The following MGLL variants were observed in gnomAD, a reference collection of about 807,000 sequenced individuals.
MGLL encodes the protein lysophospholipase homolog.
A neutral mutation model predicts 29.1 loss-of-function variants in MGLL; 7 were observed. That is an observed-to-expected ratio of 0.24 (90% CI 0.14 to 0.45). MGLL has a LOEUF of 0.45. Among genes scored for constraint, MGLL ranks in the 20% least tolerant of loss-of-function variants. The pLI, the probability that MGLL is intolerant of heterozygous loss-of-function variation, is 0.99. For missense variants in MGLL, 356 were observed against 413.6 expected, an observed-to-expected ratio of 0.86 and a Z score of 1.21; for synonymous variants, 148 against 168.3, an observed-to-expected ratio of 0.88 and a Z score of 0.93.
chr3:127,724,377 CGT>C (rs1293325798), intron 3 of MGLL, among the ~76,000 whole-genome samples: 3 of 152,162 alleles, frequency 2.0e-5, no homozygotes, highest in Non-Finnish European at 4.4e-5. Flanking sequence ...TCCATGTAGT[CGT>C]GTGTGTCAGA....
intron 3 of MGLL, among the ~76,000 whole-genome samples, chr3:127,730,189 A>C (rs1028444013): frequency 6.6e-6 from 1 of 151,970 alleles, no homozygotes; most frequent in Non-Finnish European, 1.5e-5. Flanking sequence ...AGGGGTGGAG[A>C]CTGTTGCTGC....
chr3:127,774,932 G>A (rs535544765), intron 3 of MGLL, among the ~76,000 whole-genome samples: 1 of 150,806 alleles, frequency 6.6e-6, no homozygotes, highest in African/African-American at 2.4e-5. Context: ...TTTTACAAAC[G>A]AGCAACTGAG....
At chr3:127,806,190 G>A (rs543307108) in intron 2 of MGLL, among the ~76,000 whole-genome samples, 24 of 152,306 alleles carry the variant, frequency 1.6e-4, no homozygotes, top group African/African-American at 4.8e-4. Context: ...CAAATCACCC[G>A]GTCTAGACTC....
At chr3:127,779,672 C>T (rs1389787080) in intron 3 of MGLL, among the ~76,000 whole-genome samples, 3 of 152,100 alleles carry the variant, frequency 2.0e-5, no homozygotes, top group Non-Finnish European at 2.9e-5. Context: ...CATTGAGCAA[C>T]GAGATCCAAG....
chr3:127,779,499 C>CT (rs35951289), intron 3 of MGLL, among the ~76,000 whole-genome samples: 13,129 of 148,242 alleles, frequency 0.089, 756 homozygotes, highest in South Asian at 0.21. Context: ...TAGAACCAGC[C>CT]TTTTTTTTTT....
chr3:127,747,475 G>T (rs1420176408), intron 3 of MGLL, among the ~76,000 whole-genome samples: 2 of 152,162 alleles, frequency 1.3e-5, no homozygotes, highest in Non-Finnish European at 2.9e-5. Flanking sequence ...GTGCCTTGTG[G>T]TGTCTTTGTA....
upstream of MGLL, chr3:127,822,831 G>C (rs2077888636): frequency 6.0e-6 from 1 of 167,790 alleles, no homozygotes; most frequent in East Asian, 1.9e-4. Flanking sequence ...TGTCTGCACC[G>C]GGGAAGGTGG....
chr3:127,692,248 T>G lies in MGLL; in HGVS notation c.892A>C (p.Met298Leu). The change falls in exon 8 of 8, where the codon ATG becomes CTG. Residue 298 changes from methionine (M) to leucine (L), a missense_variant. Physicochemically the swap from Met to Leu is conservative, Grantham distance 15 (BLOSUM62 2). Coordinates refer to ENST00000265052, the MANE Select transcript of MGLL (RefSeq NM_007283.7). ...VTNSVFHEIN[M>L]WVSQRTATAG... ...GTGGCTGTCCTTTGAGAGACCCACA[T>G]GTTTATTTCATGGAAGACGGAGTTG... 3.1e-6 allele frequency: 5 copies of G among 1,614,142 alleles called. No homozygotes were observed. Among genetic ancestry groups the G allele is most frequent in the Non-Finnish European group, 4.2e-6 (5 of 1,179,980 alleles).
intron 3 of MGLL, among the ~76,000 whole-genome samples, chr3:127,770,623 T>C (rs962594266): frequency 1.3e-5 from 2 of 152,104 alleles, no homozygotes; most frequent in African/African-American, 4.8e-5. Context: ...GAGGGCCAGG[T>C]GCAGCTGCAT....
chr3:127,694,647 TG>T (rs927922948), intron 7 of MGLL, among the ~76,000 whole-genome samples: 2 of 152,146 alleles, frequency 1.3e-5, no homozygotes, highest in African/African-American at 4.8e-5. Context: ...CACGTGTCCT[TG>T]GAGCTTGGAC....
At position 127,746,250 on chromosome 3, in the gene MGLL, G is replaced by A. The variant is rs116384292; in HGVS notation, c.263-23684C>T. On this transcript the variant is annotated intron_variant, in intron 3 of 7. Coordinates refer to ENST00000265052, the MANE Select transcript of MGLL (RefSeq NM_007283.7). ...CCCCAAACATGCGGCCATGGCTCCTGAGTTTTCTAACATGGCAGCTCTGCA... is the reference window on the plus strand; with the variant it reads ...CCCCAAACATGCGGCCATGGCTCCTAAGTTTTCTAACATGGCAGCTCTGCA... Among the ~76,000 whole-genome samples the A allele has an allele frequency of 7.2e-3, 1,100 of 152,276 alleles. 11 individuals are homozygous for A. Among genetic ancestry groups the A allele is most frequent in the African/African-American group, 0.026 (1,068 of 41,544 alleles).
chr3:127,784,274 C>G (rs1178684468), intron 2 of MGLL, among the ~76,000 whole-genome samples: 3 of 152,220 alleles, frequency 2.0e-5, no homozygotes, highest in Non-Finnish European at 4.4e-5. Flanking sequence ...CTGGGTCCCA[C>G]TCCCAGGGGA....
chr3:127,714,224 AC>A (rs1275400047), intron 5 of MGLL: 1 of 152,236 alleles, frequency 6.6e-6, no homozygotes, highest in Non-Finnish European at 1.5e-5. Flanking sequence ...CCTTCCAGGT[AC>A]AAAAAGCCAA....
intron 6 of MGLL, among the ~76,000 whole-genome samples, chr3:127,705,253 G>C (rs970254659): frequency 8.5e-5 from 13 of 152,082 alleles, no homozygotes; most frequent in African/African-American, 2.9e-4. Flanking sequence ...GAGAGCATCA[G>C]GATAAATAGC....
At chr3:127,812,080 A>G (rs999296142) in intron 2 of MGLL, among the ~76,000 whole-genome samples, 2 of 152,240 alleles carry the variant, frequency 1.3e-5, no homozygotes, top group African/African-American at 4.8e-5. Context: ...TCTACCAACC[A>G]TGATAACGTA....
chr3:127,718,982 A>G (rs1301749244), intron 5 of MGLL, among the ~76,000 whole-genome samples: 1 of 152,206 alleles, frequency 6.6e-6, no homozygotes, highest in Non-Finnish European at 1.5e-5. Context: ...ATTGCCAGAG[A>G]TGCAGGAGCA....
intron 3 of MGLL, among the ~76,000 whole-genome samples, chr3:127,776,040 C>T (rs770297323): frequency 3.3e-5 from 5 of 152,314 alleles, no homozygotes; most frequent in East Asian, 1.9e-4. Context: ...TAGAATGTTG[C>T]GGAAAATCCC....
At chr3:127,720,200 T>C (rs523925) in intron 5 of MGLL, among the ~76,000 whole-genome samples, 62,258 of 152,146 alleles carry the variant, frequency 0.41, 13,432 homozygotes, top group East Asian at 0.53. Flanking sequence ...TGACCTACTA[T>C]CTCACCTCTT....
chr3:127,706,996 C>T (rs1006672930), intron 6 of MGLL, among the ~76,000 whole-genome samples: 8 of 152,322 alleles, frequency 5.3e-5, no homozygotes, highest in Non-Finnish European at 7.3e-5. Flanking sequence ...AACTCCTCGA[C>T]ATTGGGCACA....
Sources: allele counts gnomAD v4.1 joint callset (sites outside exome capture counted in the v4.1 genomes callset), GRCh38; gene constraint gnomAD v4.1.1; transcripts MANE v1.5; gene names NCBI Gene and HGNC (gene_info 2026-07-23, HGNC 2026-07-21).